Variants in MAML3 observed in about 807,000 individuals in gnomAD.
The protein encoded by MAML3 is mastermind-like protein 3.
In MAML3, 27 loss-of-function variants were observed where a neutral mutation model predicts 101.9. The observed-to-expected ratio is 0.27, with a 90% CI of 0.20 to 0.37. MAML3 has a LOEUF of 0.37. Ranked by LOEUF, MAML3 falls within the 10% of genes least tolerant of loss-of-function variation. MAML3 has a pLI of 1.00. For missense variants in MAML3, 1,316 were observed against 1,444.9 expected (o/e 0.91, Z 1.45); for synonymous variants, 501 against 555.9 (o/e 0.90, Z 1.39).
At chr4:139,848,907 T>G (rs890094268) in intron 2 of MAML3, among the ~76,000 whole-genome samples, 3 of 152,216 alleles carry the variant, frequency 2.0e-5, no homozygotes, top group African/African-American at 7.2e-5. Flanking sequence ...GATTTTGGGC[T>G]CAGATTATAA....
chr4:139,946,913 ACACACACACACACTCTCT>A lies in MAML3; in HGVS notation c.469-55964_469-55947del, dbSNP rs1238019803. ...GCCACACACACACACACACACACAC[ACACACACACACACTCTCT>A]CTCTCTCTCTCTCTCTCTCTCTTTA... On this transcript the variant is annotated intron_variant, in intron 1 of 4. Coordinates refer to ENST00000509479, the MANE Select transcript of MAML3 (RefSeq NM_018717.5). Among the ~76,000 whole-genome samples, 8 of 122,116 alleles carry A rather than the reference ACACACACACACACTCTCT, an allele frequency of 6.6e-5. No individual in the cohort carries two copies. The South Asian group carries it at 7.6e-4, about 12-fold the overall frequency. The allele number at this position is 122,116 out of a possible 152,430, so 80.1% of individuals were successfully genotyped here. A position where few individuals can be genotyped will look rare whatever the true frequency, so the allele number is the denominator to read the frequency against.
chr4:139,908,826 TTC>T (rs1252073536), intron 1 of MAML3, among the ~76,000 whole-genome samples: 1 of 152,236 alleles, frequency 6.6e-6, no homozygotes, highest in Non-Finnish European at 1.5e-5. Flanking sequence ...TGAGCTTAAC[TTC>T]TATCTGAGAT....
intron 1 of MAML3, among the ~76,000 whole-genome samples, chr4:140,035,439 T>C (rs532354203): frequency 3.9e-5 from 6 of 152,284 alleles, no homozygotes; most frequent in South Asian, 2.1e-4. Flanking sequence ...CTTAATAACA[T>C]ATAGCTTTTA....
intron 2 of MAML3, among the ~76,000 whole-genome samples, chr4:139,774,760 T>C (rs191338840): frequency 1.3e-5 from 2 of 152,358 alleles, no homozygotes; most frequent in African/African-American, 4.8e-5. Flanking sequence ...TAAACCATGA[T>C]AAAAGAATTT....
chr4:140,037,351 T>C (rs1052363949), intron 1 of MAML3, among the ~76,000 whole-genome samples: 3 of 152,206 alleles, frequency 2.0e-5, no homozygotes, highest in South Asian at 2.1e-4. Context: ...CATTATTATC[T>C]TTCTGCTCTA....
intron 1 of MAML3, among the ~76,000 whole-genome samples, chr4:140,069,559 G>C (rs546240486): frequency 2.0e-5 from 2 of 99,870 alleles, no homozygotes; most frequent in South Asian, 7.5e-4. Flanking sequence ...GAGGAGGAGG[G>C]GAGGAGGAGG....
chr4:139,837,747 C>T (rs190192719), intron 2 of MAML3, among the ~76,000 whole-genome samples: 2 of 152,028 alleles, frequency 1.3e-5, no homozygotes, highest in African/African-American at 4.8e-5. Context: ...TGGTGAAGCC[C>T]TGTCTCTACT....
At chr4:139,964,006 GA>G (rs1734076328) in intron 1 of MAML3, among the ~76,000 whole-genome samples, 1 of 152,070 alleles carries the variant, frequency 6.6e-6, no homozygotes, top group Non-Finnish European at 1.5e-5. Flanking sequence ...TTGAATAACT[GA>G]AAAACATATT....
chr4:139,864,692 A>AAAG (rs1006672527), intron 2 of MAML3, among the ~76,000 whole-genome samples: 1 of 150,138 alleles, frequency 6.7e-6, no homozygotes, highest in Non-Finnish European at 1.5e-5. Context: ...AAAAAAAAAA[A>AAAG]AAAAAAAGAA....
At chr4:140,025,772 CA>C (rs1296502842) in intron 1 of MAML3, among the ~76,000 whole-genome samples, 5 of 152,160 alleles carry the variant, frequency 3.3e-5, no homozygotes, top group African/African-American at 1.2e-4. Context: ...TCCTTCTACC[CA>C]ATGCTCTCAA....
intron 2 of MAML3, among the ~76,000 whole-genome samples, chr4:139,777,003 G>C (rs1056080548): frequency 3.0e-4 from 45 of 152,214 alleles, no homozygotes; most frequent in African/African-American, 9.2e-4. Flanking sequence ...AAAAGGTTAA[G>C]GGGTGACAGT....
intron 2 of MAML3, among the ~76,000 whole-genome samples, chr4:139,732,630 CTT>C (rs1385171966): frequency 3.0e-4 from 45 of 149,006 alleles, no homozygotes; most frequent in African/African-American, 1.1e-3. Context: ...AAAAATGTAA[CTT>C]AAAATTAAAA....
intron 2 of MAML3, among the ~76,000 whole-genome samples, chr4:139,792,748 CTT>C (rs397975047): frequency 6.3e-5 from 9 of 142,544 alleles, no homozygotes; most frequent in Non-Finnish European, 3.1e-5. Flanking sequence ...TTCTTTCTTT[CTT>C]TTTTTTTTTT....
intron 1 of MAML3, among the ~76,000 whole-genome samples, chr4:140,052,000 G>A (rs139575300): frequency 1.8e-3 from 278 of 152,250 alleles, no homozygotes; most frequent in African/African-American, 6.2e-3. Flanking sequence ...TTGTGTTACC[G>A]TCTCAGAGTT....
At chr4:139,967,790 C>T (rs1298800249) in intron 1 of MAML3, among the ~76,000 whole-genome samples, 1 of 152,088 alleles carries the variant, frequency 6.6e-6, no homozygotes, top group East Asian at 1.9e-4. Context: ...CAGCCCTGTG[C>T]TGCATTCAGA....
At chr4:140,142,202 G>A (rs1161579421) in intron 1 of MAML3, among the ~76,000 whole-genome samples, 1 of 152,048 alleles carries the variant, frequency 6.6e-6, no homozygotes, top group Non-Finnish European at 1.5e-5. Context: ...TACATAATAT[G>A]ATTCCATTTA....
chr4:139,730,768 G>A, intron 2 of MAML3, 101 bp from the exon 3 acceptor site: 1 of 1,102,332 alleles, frequency 9.1e-7, no homozygotes, highest in Middle Eastern at 3.0e-4. Flanking sequence ...AGAAGTCCCA[G>A]CTTATGGACT....
intron 1 of MAML3, among the ~76,000 whole-genome samples, chr4:140,015,705 G>A (rs1726630965): frequency 1.3e-5 from 2 of 152,214 alleles, no homozygotes; most frequent in African/African-American, 4.8e-5. Flanking sequence ...TGTAATCCCA[G>A]CACTTTGAGA....
Position 139,844,607 on chromosome 4 carries a change from T to G in MAML3, c.2079+44750A>C, listed in dbSNP as rs1339657510. ...TGACAATAAGGCTGTCAGAGCAGTG[T>G]GTACTGCTCTTAATCATCTACTTAG... On this transcript the variant is annotated intron_variant, in intron 2 of 4. Coordinates refer to ENST00000509479, the MANE Select transcript of MAML3 (RefSeq NM_018717.5). Among the ~76,000 whole-genome samples the G allele has an allele frequency of 3.3e-5, 5 of 152,230 alleles. No individual in the cohort carries two copies. In the East Asian group the frequency reaches 9.6e-4, roughly 29 times the overall value.
Sources: allele counts gnomAD v4.1 joint callset (sites outside exome capture counted in the v4.1 genomes callset), GRCh38; gene constraint gnomAD v4.1.1; transcripts MANE v1.5; gene names NCBI Gene and HGNC (gene_info 2026-07-23, HGNC 2026-07-21).